The following HEATR4 variants were observed in gnomAD, a reference collection of about 807,000 sequenced individuals.
HEATR4 encodes HEAT repeat containing 4.
HEATR4 carries 95 observed loss-of-function variants against 108.8 expected under a neutral mutation model. The observed-to-expected ratio is 0.87, with a 90% confidence interval of 0.74 to 1.04. The LOEUF is 1.04. HEATR4 is among the 50% of genes least tolerant of loss of function. The pLI, the probability that HEATR4 is intolerant of heterozygous loss-of-function variation, is 0.00. For synonymous variants in HEATR4, 443 were observed against 459.4 expected, an observed-to-expected ratio of 0.96 and a Z score of 0.46; for missense variants, 1,152 against 1,253.8, an observed-to-expected ratio of 0.92 and a Z score of 1.23.
chr14:73,615,468 C>T, the HEATR4 span, among the ~76,000 whole-genome samples: 17 of 147,980 alleles, frequency 1.1e-4, no homozygotes, highest in South Asian at 1.1e-3. Flanking sequence ...CAGTGGCTTA[C>T]GCCTGTAATC....
chr14:73,491,349 C>T, intron 17 of HEATR4: 1 of 1,436,014 alleles, frequency 7.0e-7, no homozygotes. Context: ...GCCTCGCCCG[C>T]CGCGCGCTCC....
At chr14:73,573,858 T>C in the HEATR4 span, among the ~76,000 whole-genome samples, 123,944 of 151,830 alleles carry the variant, frequency 0.82, 51,430 homozygotes, top group African/African-American at 0.95. Flanking sequence ...TCCCGAGTAG[T>C]TGGGATTACA....
chr14:73,591,364 A>G, the HEATR4 span, among the ~76,000 whole-genome samples: 1 of 151,936 alleles, frequency 6.6e-6, no homozygotes, highest in African/African-American at 2.4e-5. Context: ...CCTGGCCAAC[A>G]TGGTGTAACT....
upstream of HEATR4, among the ~76,000 whole-genome samples, chr14:73,560,535 C>A (rs558788420): frequency 6.6e-6 from 1 of 151,486 alleles, no homozygotes; most frequent in Non-Finnish European, 1.5e-5. Context: ...TGGTGGCAGG[C>A]GCCTGTAGTC....
At chr14:73,527,411 C>G (rs1042610159) in intron 2 of HEATR4, 5 of 151,566 alleles carry the variant, frequency 3.3e-5, no homozygotes, top group African/African-American at 7.3e-5. Flanking sequence ...CGAGATAACA[C>G]CGAGAAGAAA....
chr14:73,607,708 C>G, the HEATR4 span, among the ~76,000 whole-genome samples: 1 of 152,106 alleles, frequency 6.6e-6, no homozygotes, highest in Admixed American at 6.6e-5. Context: ...ACTGCAACCT[C>G]TGCCTCCTGG....
At chr14:73,574,261 G>GTTTT in the HEATR4 span, 1 of 126,694 alleles carries the variant, frequency 7.9e-6, no homozygotes, top group African/African-American at 3.2e-5. Context: ...TTAAATTCCA[G>GTTTT]TATTTTTTTT....
chr14:73,516,922 A>G (rs1309238728), intron 5 of HEATR4, among the ~76,000 whole-genome samples: 2 of 152,122 alleles, frequency 1.3e-5, no homozygotes, highest in African/African-American at 2.4e-5. Flanking sequence ...ATTATCTTCC[A>G]CGAAACCGGT....
chr14:73,539,592 A>C (rs1889005044), intron 1 of HEATR4: 1 of 116,168 alleles, frequency 8.6e-6, no homozygotes, highest in African/African-American at 2.8e-5. Context: ...AGGGCTTCAC[A>C]CCCATGGGCC....
the HEATR4 span, among the ~76,000 whole-genome samples, chr14:73,568,531 C>T: frequency 2.0e-5 from 3 of 151,782 alleles, no homozygotes; most frequent in Admixed American, 6.6e-5. Flanking sequence ...TGCCGCTGTA[C>T]TCCAGTCTGG....
chr14:73,594,909 TG>T, the HEATR4 span: 1 of 960,000 alleles, frequency 1.0e-6, no homozygotes, highest in Non-Finnish European at 1.6e-6. Context: ...TCTGCCATGT[TG>T]GCCAGGCTGG....
chr14:73,559,217 T>C (rs1376354997), upstream of HEATR4, among the ~76,000 whole-genome samples: 1 of 151,820 alleles, frequency 6.6e-6, no homozygotes, highest in Admixed American at 6.6e-5. Flanking sequence ...CACTGCAACC[T>C]GTGCCTCCCA....
At chr14:73,509,078 G>A (rs1191469003) in intron 8 of HEATR4, among the ~76,000 whole-genome samples, 1 of 152,054 alleles carries the variant, frequency 6.6e-6, no homozygotes, top group African/African-American at 2.4e-5. Flanking sequence ...TGTTGCCCAG[G>A]CTGGTTTAGA....
At chr14:73,517,091 G>T (rs1887649541) in intron 5 of HEATR4, 1 of 152,252 alleles carries the variant, frequency 6.6e-6, no homozygotes, top group African/African-American at 2.4e-5. Flanking sequence ...GACCAGTCTG[G>T]GCAACATAGT....
the HEATR4 span, among the ~76,000 whole-genome samples, chr14:73,609,964 T>C: frequency 1.4e-3 from 204 of 150,682 alleles, 2 homozygotes; most frequent in African/African-American, 4.4e-3. Context: ...ACAGAATTCC[T>C]CTACCCTTTT....
the HEATR4 span, among the ~76,000 whole-genome samples, chr14:73,603,053 G>T: frequency 6.7e-6 from 1 of 150,368 alleles, no homozygotes; most frequent in Non-Finnish European, 1.5e-5. Flanking sequence ...AGTCTTAATT[G>T]TATGTTACAA....
intron 17 of HEATR4, among the ~76,000 whole-genome samples, chr14:73,479,664 A>T (rs1318450949): frequency 1.4e-5 from 2 of 147,282 alleles, no homozygotes; most frequent in African/African-American, 5.0e-5. Flanking sequence ...TCTCGAACTC[A>T]GGTGATCCGC....
intron 4 of HEATR4, 147 bp downstream of exon 4, chr14:73,520,705 A>T (rs950732852): frequency 1.2e-5 from 8 of 695,408 alleles, no homozygotes; most frequent in African/African-American, 8.9e-5. Context: ...CTCCTGTGCT[A>T]GTGTGGGTGC....
chr14:73,493,310 A>C, intron 16 of HEATR4, 186 bp from the exon 17 acceptor site: 1 of 573,352 alleles, frequency 1.7e-6, no homozygotes. Context: ...GTTCTTTTTC[A>C]TGGGCGGGTC....
Sources: allele counts gnomAD v4.1 joint callset (sites outside exome capture counted in the v4.1 genomes callset), GRCh38; gene constraint gnomAD v4.1.1; transcripts MANE v1.5; gene names NCBI Gene and HGNC (gene_info 2026-07-23, HGNC 2026-07-21).